FILIP1: variants seen among roughly 807,000 people sequenced by gnomAD.
FILIP1 encodes filamin-A-interacting protein 1.
FILIP1 carries 61 observed loss-of-function variants against 102.1 expected under a neutral mutation model. That is an observed-to-expected ratio of 0.60 (90% CI 0.49 to 0.74). The LOEUF (loss-of-function observed/expected upper bound fraction) is 0.74. Among genes scored for constraint, FILIP1 ranks in the 30% least tolerant of loss-of-function variants. The pLI is 0.00. For missense variants in FILIP1, 1,314 were observed against 1,441.2 expected, an observed-to-expected ratio of 0.91 and a Z score of 1.43; for synonymous variants, 491 against 526.9, an observed-to-expected ratio of 0.93 and a Z score of 0.93.
intron 2 of FILIP1, among the ~76,000 whole-genome samples, chr6:75,404,381 G>A (rs1488515690): frequency 6.6e-6 from 1 of 152,142 alleles, no homozygotes; most frequent in Non-Finnish European, 1.5e-5. Context: ...GCTGGGCACC[G>A]TCTCATCAAC....
intron 1 of FILIP1, among the ~76,000 whole-genome samples, chr6:75,454,465 C>CATAA (rs1366192267): frequency 6.6e-6 from 1 of 152,180 alleles, no homozygotes; most frequent in African/African-American, 2.4e-5. Flanking sequence ...TCTTAAGGTC[C>CATAA]ATAACCCTAG....
intron 4 of FILIP1, among the ~76,000 whole-genome samples, chr6:75,343,015 T>C (rs1430368542): frequency 6.6e-6 from 1 of 152,146 alleles, no homozygotes; most frequent in Non-Finnish European, 1.5e-5. Flanking sequence ...TAATCCCCAA[T>C]GTGACCTTAT....
In FILIP1 at chr6:75,425,864, T is replaced by C. The variant is rs572926957; in HGVS notation, c.-6-10886A>G. ...GCATTAACCAATGCTAGATTAACTA[T>C]TGGAGTCATCAAATACCTCTCATTA... On this transcript the variant is annotated intron_variant, in intron 1 of 5. Coordinates refer to ENST00000237172, the MANE Select transcript of FILIP1 (RefSeq NM_015687.5). Among the ~76,000 whole-genome samples the C allele has an allele frequency of 6.6e-5, 10 of 152,176 alleles. No individual in the cohort carries two copies. In the East Asian group the frequency reaches 9.6e-4, roughly 15 times the overall value.
chr6:75,407,686 T>C (rs892555383), intron 2 of FILIP1, among the ~76,000 whole-genome samples: 1 of 152,140 alleles, frequency 6.6e-6, no homozygotes, highest in Admixed American at 6.5e-5. Context: ...TGGTGCACTA[T>C]CCAGCTGTGT....
chr6:75,333,732 G>A (rs1163612508), intron 4 of FILIP1, among the ~76,000 whole-genome samples: 3 of 152,142 alleles, frequency 2.0e-5, no homozygotes, highest in East Asian at 3.9e-4. Context: ...AAGTTCTTTT[G>A]TGAAGGACTC....
chr6:75,412,174 A>G (rs1777094614), intron 2 of FILIP1, among the ~76,000 whole-genome samples: 1 of 152,114 alleles, frequency 6.6e-6, no homozygotes, highest in Non-Finnish European at 1.5e-5. Context: ...CTCTCTTTGT[A>G]GCAATTGTGA....
intron 1 of FILIP1, among the ~76,000 whole-genome samples, chr6:75,419,689 T>A (rs1017612697): frequency 2.0e-5 from 3 of 152,126 alleles, no homozygotes; most frequent in Non-Finnish European, 4.4e-5. Flanking sequence ...AGAAAACATC[T>A]GTTCTAGTTT....
intron 4 of FILIP1, among the ~76,000 whole-genome samples, chr6:75,326,083 TAGA>T (rs1562461718): frequency 3.6e-5 from 5 of 139,490 alleles, no homozygotes; most frequent in Non-Finnish European, 6.1e-5. Flanking sequence ...GATAGATAGA[TAGA>T]TAGATAGATT....
intron 4 of FILIP1, among the ~76,000 whole-genome samples, chr6:75,328,582 G>T (rs1356220102): frequency 6.6e-6 from 1 of 152,080 alleles, no homozygotes; most frequent in African/African-American, 2.4e-5. Context: ...TCGGCCTCCC[G>T]GGTTTAAGCA....
exon 7 of FILIP1, chr6:75,293,174 T>C (rs1772583856): frequency 6.6e-6 from 1 of 152,236 alleles, no homozygotes; most frequent in South Asian, 2.1e-4. Flanking sequence ...TACCTTGAAC[T>C]AGAAACACTG....
intron 4 of FILIP1, among the ~76,000 whole-genome samples, chr6:75,346,245 A>G (rs1774579700): frequency 6.6e-6 from 1 of 152,228 alleles, no homozygotes; most frequent in African/African-American, 2.4e-5. Flanking sequence ...CTATAGCAGT[A>G]AAAGTAAATT....
intron 1 of FILIP1, among the ~76,000 whole-genome samples, chr6:75,487,696 C>T (rs1251385615): frequency 6.6e-6 from 1 of 151,686 alleles, no homozygotes; most frequent in Non-Finnish European, 1.5e-5. Context: ...AATCTTCAGC[C>T]AATTATTTTT....
At chr6:75,352,363 T>C (rs981431774) in intron 4 of FILIP1, among the ~76,000 whole-genome samples, 1 of 152,120 alleles carries the variant, frequency 6.6e-6, no homozygotes, top group South Asian at 2.1e-4. Flanking sequence ...GTCTGTGGAA[T>C]TCACAGACAT....
intron 1 of FILIP1, among the ~76,000 whole-genome samples, chr6:75,429,046 G>A (rs1777730068): frequency 6.6e-6 from 1 of 152,046 alleles, no homozygotes; most frequent in African/African-American, 2.4e-5. Flanking sequence ...CAATTGCCAT[G>A]TGTTTATTAC....
At chr6:75,424,691 T>C (rs963990062) in intron 1 of FILIP1, among the ~76,000 whole-genome samples, 16 of 152,170 alleles carry the variant, frequency 1.1e-4, no homozygotes, top group African/African-American at 3.9e-4. Context: ...TTCCCAACTT[T>C]ATTGCATTTT....
At chr6:75,380,216 A>G (rs1775868682) in intron 2 of FILIP1, among the ~76,000 whole-genome samples, 1 of 151,826 alleles carries the variant, frequency 6.6e-6, no homozygotes, top group Non-Finnish European at 1.5e-5. Flanking sequence ...GCAAAAAAAA[A>G]GAAAGGAAAT....
intron 1 of FILIP1, among the ~76,000 whole-genome samples, chr6:75,492,745 G>T (rs569933172): frequency 1.6e-4 from 24 of 152,232 alleles, no homozygotes; most frequent in Admixed American, 8.5e-4. Context: ...CTAAATACAA[G>T]TATTGATTTA....
chr6:75,341,634 T>A (rs1159059993), intron 4 of FILIP1, among the ~76,000 whole-genome samples: 1 of 152,206 alleles, frequency 6.6e-6, no homozygotes, highest in Non-Finnish European at 1.5e-5. Context: ...TAATATAGTT[T>A]ATATTATTTT....
intron 2 of FILIP1, among the ~76,000 whole-genome samples, chr6:75,401,884 C>A (rs945052339): frequency 5.9e-5 from 9 of 152,062 alleles, no homozygotes; most frequent in African/African-American, 2.2e-4. Flanking sequence ...AAGAGCATAT[C>A]CCCAAATAAT....
Sources: allele counts gnomAD v4.1 joint callset (sites outside exome capture counted in the v4.1 genomes callset), GRCh38; gene constraint gnomAD v4.1.1; transcripts MANE v1.5; gene names NCBI Gene and HGNC (gene_info 2026-07-23, HGNC 2026-07-21).